Variants in GATAD2B observed in about 807,000 individuals in gnomAD.
GATAD2B encodes GATA zinc finger domain containing 2B.
GATAD2B carries 8 observed loss-of-function variants against 64.3 expected under a neutral mutation model. The ratio of observed to expected loss-of-function variants is 0.12; its 90% CI spans 0.07 to 0.22. The LOEUF (loss-of-function observed/expected upper bound fraction) is 0.22. Ranked by LOEUF, GATAD2B falls within the 10% of genes least tolerant of loss-of-function variation. The pLI, the probability that GATAD2B is intolerant of heterozygous loss-of-function variation, is 1.00. For synonymous variants in GATAD2B, 281 were observed against 271.3 expected (o/e 1.04, Z -0.35); for missense variants, 453 against 752.0 (o/e 0.60, Z 4.65).
intron 1 of GATAD2B, among the ~76,000 whole-genome samples, chr1:153,851,436 C>T (rs960229956): frequency 2.0e-5 from 3 of 152,122 alleles, no homozygotes; most frequent in Admixed American, 6.5e-5. Flanking sequence ...AATTTCTTCA[C>T]TCCCTTGCCA....
chr1:153,824,612 TAAAAA>T (rs771879855), intron 2 of GATAD2B, among the ~76,000 whole-genome samples: 3 of 96,696 alleles, frequency 3.1e-5, no homozygotes, highest in Admixed American at 1.4e-4. Flanking sequence ...ACTCTGCCTT[TAAAAA>T]AAAAAAAAAA....
At chr1:153,822,899 C>T (rs1674734182) in intron 2 of GATAD2B, among the ~76,000 whole-genome samples, 1 of 152,218 alleles carries the variant, frequency 6.6e-6, no homozygotes, top group African/African-American at 2.4e-5. Flanking sequence ...TCACTGCAGT[C>T]TCAATCTCCT....
intron 1 of GATAD2B, among the ~76,000 whole-genome samples, chr1:153,865,964 G>A (rs935873009): frequency 6.6e-6 from 1 of 152,092 alleles, no homozygotes; most frequent in Non-Finnish European, 1.5e-5. Context: ...CATCACTTTG[G>A]GAGGCTGAGG....
intron 1 of GATAD2B, among the ~76,000 whole-genome samples, chr1:153,829,895 T>A (rs973638465): frequency 5.3e-5 from 8 of 151,856 alleles, no homozygotes; most frequent in African/African-American, 1.9e-4. Flanking sequence ...AGATCAGGAG[T>A]TCGAGACCAG....
chr1:153,828,237 A>C lies in GATAD2B; in HGVS notation c.111T>G (p.His37Gln). 1.2e-6 allele frequency: 2 copies of C among 1,614,154 alleles called. No individual in the cohort carries two copies. The highest frequency in any genetic ancestry group is 1.7e-6 in the Non-Finnish European group (2 of 1,180,032). The change falls in exon 2 of 11, where the codon CAT (histidine) becomes CAG (glutamine). Residue 37 changes from histidine to glutamine, a missense_variant. This residue lies in a region of GATAD2B where 293 missense variants were observed against 417.2 expected (regional missense o/e 0.70). Transcript: ENST00000368655. The part of the protein sequence containing the change: ...VLAKRLKMEG[H>Q]EAMERLKMLA... ...ACATTTTCAGACGTTCCATGGCCTC[A>C]TGCCCCTCCATTTTGAGTCGCTTTG... is the stretch of plus-strand genomic sequence containing the variant.
intron 1 of GATAD2B, among the ~76,000 whole-genome samples, chr1:153,912,806 G>C (rs1678144195): frequency 6.6e-6 from 1 of 152,104 alleles, no homozygotes; most frequent in Non-Finnish European, 1.5e-5. Flanking sequence ...TTATAAGACA[G>C]GACAGGCTGG....
At chr1:153,912,830 CA>C (rs1453466422) in intron 1 of GATAD2B, among the ~76,000 whole-genome samples, 2 of 152,122 alleles carry the variant, frequency 1.3e-5, no homozygotes, top group Non-Finnish European at 2.9e-5. Flanking sequence ...CAGTGGCTCA[CA>C]CCTCTAATCC....
At chr1:153,890,230 C>T (rs999338062) in intron 1 of GATAD2B, among the ~76,000 whole-genome samples, 1 of 151,188 alleles carries the variant, frequency 6.6e-6, no homozygotes, top group Non-Finnish European at 1.5e-5. Context: ...TGGCTCACAC[C>T]TGTAATCCCA....
chr1:153,862,093 C>A (rs947341795), intron 1 of GATAD2B, among the ~76,000 whole-genome samples: 9 of 138,860 alleles, frequency 6.5e-5, no homozygotes, highest in Non-Finnish European at 1.4e-4. Context: ...TTTCAGTTTA[C>A]AACGTATTTT....
chr1:153,831,269 AG>A (rs1168052117), intron 1 of GATAD2B, among the ~76,000 whole-genome samples: 6 of 152,186 alleles, frequency 3.9e-5, no homozygotes, highest in Non-Finnish European at 8.8e-5. Context: ...TTCACTCGTA[AG>A]TGGGAGTTGA....
At chr1:153,841,759 G>A (rs1675503637) in intron 1 of GATAD2B, among the ~76,000 whole-genome samples, 1 of 152,076 alleles carries the variant, frequency 6.6e-6, no homozygotes, top group Non-Finnish European at 1.5e-5. Flanking sequence ...AACATTCATG[G>A]GAAAGTTTTT....
At chr1:153,916,332 T>C (rs1678265318) in intron 1 of GATAD2B, among the ~76,000 whole-genome samples, 1 of 147,412 alleles carries the variant, frequency 6.8e-6, no homozygotes, top group Non-Finnish European at 1.5e-5. Context: ...GTGTAAGCGA[T>C]CAAGGCAATA....
chr1:153,916,791 A>T (rs1203289117), intron 1 of GATAD2B, among the ~76,000 whole-genome samples: 1 of 152,056 alleles, frequency 6.6e-6, no homozygotes, highest in Non-Finnish European at 1.5e-5. Context: ...TTCCTATTGG[A>T]TCAACAAACT....
intron 1 of GATAD2B, among the ~76,000 whole-genome samples, chr1:153,911,904 T>C (rs1014595708): frequency 2.0e-5 from 3 of 152,192 alleles, no homozygotes; most frequent in African/African-American, 4.8e-5. Context: ...TCAACACAAC[T>C]GAATCTAGAA....
intron 1 of GATAD2B, among the ~76,000 whole-genome samples, chr1:153,894,913 C>A (rs1429609683): frequency 6.6e-6 from 1 of 151,842 alleles, no homozygotes; most frequent in Non-Finnish European, 1.5e-5. Flanking sequence ...AATCCCAGCA[C>A]TTTGGGGGGC....
intron 1 of GATAD2B, chr1:153,853,192 G>A: frequency 8.2e-7 from 1 of 1,221,682 alleles, no homozygotes; most frequent in Non-Finnish European, 1.2e-6. Flanking sequence ...GCAATTTGCA[G>A]CTCTAGCTTC....
intron 1 of GATAD2B, among the ~76,000 whole-genome samples, chr1:153,917,718 A>T (rs986532390): frequency 6.6e-6 from 1 of 152,160 alleles, no homozygotes; most frequent in Non-Finnish European, 1.5e-5. Context: ...TATTAACTAC[A>T]TGCCAGGCAC....
intron 1 of GATAD2B, among the ~76,000 whole-genome samples, chr1:153,884,927 T>G (rs1677132722): frequency 6.6e-6 from 1 of 151,906 alleles, no homozygotes; most frequent in Admixed American, 6.6e-5. Flanking sequence ...CAGCTAATTT[T>G]TGTATTTTTA....
Position 153,848,412 on chromosome 1 carries a change from T to C in GATAD2B, c.-1-20064A>G, listed in dbSNP as rs976368936. Among the ~76,000 whole-genome samples, 4 of 152,214 alleles carry C rather than the reference T, an allele frequency of 2.6e-5. No homozygotes were observed. The East Asian group carries it at 7.7e-4, about 29-fold the overall frequency. On this transcript the variant is annotated intron_variant, in intron 1 of 10. Transcript: ENST00000368655. ...ATTTTATCAACTCAATCTTCCTTCC[T>C]TCTTGAACTGCTTTCTTCACTTGGC...
Sources: allele counts gnomAD v4.1 joint callset (sites outside exome capture counted in the v4.1 genomes callset), GRCh38; gene constraint gnomAD v4.1.1; regional missense constraint gnomAD v4.1.1; transcripts MANE v1.5; gene names NCBI Gene and HGNC (gene_info 2026-07-23, HGNC 2026-07-21).